TEKTIP1: variants seen among roughly 807,000 people sequenced by gnomAD.
TEKTIP1 encodes the protein tektin bundle-interacting protein 1.
At chr19:3,541,014 C>A in the TEKTIP1 span, among the ~76,000 whole-genome samples, 13 of 146,944 alleles carry the variant, frequency 8.8e-5, no homozygotes, top group Non-Finnish European at 1.9e-4. Flanking sequence ...ACTAAAAGTA[C>A]AAAAATTAGC....
At chr19:3,543,519 G>A in the TEKTIP1 span, 1 of 1,529,488 alleles carries the variant, frequency 6.5e-7, no homozygotes, top group Non-Finnish European at 8.8e-7. Context: ...TGCCAGAGGG[G>A]GACAGGAATG....
At chr19:3,541,168 C>CA in the TEKTIP1 span, among the ~76,000 whole-genome samples, 53,744 of 87,014 alleles carry the variant, frequency 0.62, 15,714 homozygotes, top group East Asian at 0.83. Context: ...GACTCTGTCT[C>CA]AAAAAAAAAA....
At chr19:3,543,909 C>G in the TEKTIP1 span, 1 of 1,551,144 alleles carries the variant, frequency 6.4e-7, no homozygotes. Flanking sequence ...ACCCCAGCGC[C>G]CGCCCGGCAC....
chr19:3,543,428 C>CGCTGGCACA, the TEKTIP1 span: 1 of 1,546,822 alleles, frequency 6.5e-7, no homozygotes, highest in South Asian at 1.2e-5. Flanking sequence ...GGCCTACAAC[C>CGCTGGCACA]GCTGGCACAG....
At chr19:3,543,859 C>A in the TEKTIP1 span, 1 of 1,547,520 alleles carries the variant, frequency 6.5e-7, no homozygotes, top group East Asian at 2.4e-5. Flanking sequence ...GGGGTGGAGC[C>A]ACTGTGGAGG....
chr19:3,540,267 T>C, the TEKTIP1 span, among the ~76,000 whole-genome samples: 4 of 150,078 alleles, frequency 2.7e-5, no homozygotes, highest in Non-Finnish European at 4.5e-5. Flanking sequence ...TAATTTTTGT[T>C]TTTTTTTTTG....
At chr19:3,542,170 AGGG>A in the TEKTIP1 span, 1 of 985,282 alleles carries the variant, frequency 1.0e-6, no homozygotes, top group Non-Finnish European at 1.2e-6. Context: ...TCATTTCAAA[AGGG>A]TGAGGTTCTC....
the TEKTIP1 span, chr19:3,539,408 TC>T: frequency 1.7e-6 from 1 of 602,088 alleles, no homozygotes; most frequent in Admixed American, 2.6e-5. Context: ...CTCCAGCTCT[TC>T]CTGTTCCCCT....
the TEKTIP1 span, chr19:3,542,148 G>A: frequency 3.0e-6 from 3 of 985,382 alleles, no homozygotes; most frequent in African/African-American, 3.5e-5. Context: ...AAAGCTACAT[G>A]TGTCTTGCAA....
chr19:3,542,107 G>C, the TEKTIP1 span: 1 of 985,274 alleles, frequency 1.0e-6, no homozygotes, highest in South Asian at 4.7e-5. Context: ...ACTGCGCCCA[G>C]ACAATTTTGT....
chr19:3,542,577 G>C, the TEKTIP1 span: 5 of 776,292 alleles, frequency 6.4e-6, no homozygotes, highest in African/African-American at 5.7e-5. Flanking sequence ...GGGTTCAAGC[G>C]ATTCTCCTGC....
chr19:3,539,424 C>CCA, the TEKTIP1 span: 1 of 592,222 alleles, frequency 1.7e-6, no homozygotes, highest in African/African-American at 1.8e-5. Flanking sequence ...TCCCCTCCGG[C>CCA]CAGTGGCCGC....
chr19:3,540,089 CTTTTTTTTTTTTTT>C, the TEKTIP1 span: 1 of 88,190 alleles, frequency 1.1e-5, no homozygotes, highest in African/African-American at 3.9e-5. Flanking sequence ...CATCTCTTTT[CTTTTTTTTTTTTTT>C]TTTTTTTTTT....
chr19:3,540,068 A>G, the TEKTIP1 span: 26,610 of 149,776 alleles, frequency 0.18, 2,573 homozygotes, highest in Middle Eastern at 0.23. Context: ...CCTGAGCAAC[A>G]TAGTGAGACC....
At chr19:3,541,764 C>G in the TEKTIP1 span, 1 of 985,162 alleles carries the variant, frequency 1.0e-6, no homozygotes, top group African/African-American at 1.7e-5. Flanking sequence ...GGTACGGGGC[C>G]GACAGCAGGG....
At chr19:3,543,129 C>A in the TEKTIP1 span, 2 of 1,512,096 alleles carry the variant, frequency 1.3e-6, no homozygotes, top group African/African-American at 1.4e-5. Context: ...GGAGACCCCA[C>A]GCCGTGGGCC....
At chr19:3,543,616 G>A in the TEKTIP1 span, 2 of 1,544,776 alleles carry the variant, frequency 1.3e-6, no homozygotes, top group Non-Finnish European at 1.7e-6. Flanking sequence ...CCCAGTACCA[G>A]GCCCCCAGCA....
the TEKTIP1 span, chr19:3,540,044 G>C: frequency 6.6e-6 from 1 of 151,730 alleles, no homozygotes; most frequent in Non-Finnish European, 1.5e-5. Context: ...TTGAGCCCAG[G>C]AGTTCAAGAC....
the TEKTIP1 span, chr19:3,543,528 T>A: frequency 7.3e-7 from 1 of 1,365,286 alleles, no homozygotes; most frequent in Non-Finnish European, 9.6e-7. Flanking sequence ...GGGACAGGAA[T>A]GACCGCCAGC....
Sources: allele counts gnomAD v4.1 joint callset (sites outside exome capture counted in the v4.1 genomes callset), GRCh38; gene constraint gnomAD v4.1.1; transcripts MANE v1.5; gene names NCBI Gene and HGNC (gene_info 2026-07-23, HGNC 2026-07-21).